The following IHO1 variants were observed in gnomAD, a reference collection of about 807,000 sequenced individuals.
IHO1 encodes the protein interactor of HORMAD1 protein 1.
A neutral mutation model predicts 31.0 loss-of-function variants in IHO1; 13 were observed. The ratio of observed to expected loss-of-function variants is 0.42; its 90% CI spans 0.27 to 0.67. IHO1 has a LOEUF of 0.67. Among genes scored for constraint, IHO1 ranks in the 30% least tolerant of loss-of-function variants. The probability of loss-of-function intolerance (pLI) is 0.24; values close to 1 mark genes in which losing one functional copy is unlikely to be tolerated. For missense variants in IHO1, 599 were observed against 687.5 expected, an observed-to-expected ratio of 0.87 and a Z score of 1.44; for synonymous variants, 221 against 248.4, an observed-to-expected ratio of 0.89 and a Z score of 1.04.
Position 49,255,416 on chromosome 3 carries a change from G to T in IHO1, c.559G>T (p.Asp187Tyr). 1 of 1,602,746 alleles carries T rather than the reference G, an allele frequency of 6.2e-7. No individual in the cohort carries two copies. The highest frequency in any genetic ancestry group is 8.5e-7 in the Non-Finnish European group (1 of 1,177,144). The change falls in exon 7 of 8, where the codon GAC becomes TAC. Residue 187 changes from aspartate (D) to tyrosine (Y), a missense_variant. By Grantham distance (160) the Asp-to-Tyr change is radical. Transcript: ENST00000452691. ...TLQETIQAQN[D>Y]LVFEAVQDKG... ...ACAAGAGACTATACAGGCCCAGAAT[G>T]ACCTGGTGTTTGAGGCAGTCCAGGA...
In IHO1 at chr3:49,256,198, A is replaced by G; in HGVS notation, c.701A>G (p.Gln234Arg). ...LKHLEVLVAQ[Q>R]SQEFQQLCEQ... ...CACCTTGAAGTTTTAGTTGCTCAGC[A>G]GAGTCAGGAATTCCAGCAGCTGTGT... Residue 234 changes from glutamine (Q) to arginine (R), a missense_variant, in exon 8 of 8, where the codon CAG becomes CGG. Coordinates refer to ENST00000452691, the MANE Select transcript of IHO1 (RefSeq NM_001135197.2). This position sits in a 1 kb window ranked among gnomAD's most constrained non-coding sequence, Gnocchi z 4.6. The G allele has an allele frequency of 6.2e-7, 1 of 1,614,166 alleles. No individual in the cohort carries two copies. The highest frequency in any genetic ancestry group is 8.5e-7 in the Non-Finnish European group (1 of 1,180,006).
At chr3:49,205,476 G>A (rs146340194) in intron 1 of IHO1, among the ~76,000 whole-genome samples, 135 of 151,870 alleles carry the variant, frequency 8.9e-4, no homozygotes, top group Non-Finnish European at 1.2e-3. Context: ...GTACCAACAC[G>A]CCTGGTGAAT....
chr3:49,228,820 A>T (rs564159887), intron 2 of IHO1, among the ~76,000 whole-genome samples: 2 of 152,366 alleles, frequency 1.3e-5, no homozygotes, highest in African/African-American at 4.8e-5. Context: ...GAAGAGCAAA[A>T]GAACAAAGTT....
At chr3:49,200,216 A>G (rs995553440) in intron 1 of IHO1, among the ~76,000 whole-genome samples, 12 of 152,052 alleles carry the variant, frequency 7.9e-5, no homozygotes, top group African/African-American at 2.4e-4. Context: ...GGCTCACGCC[A>G]CACTTTGGGA....
intron 2 of IHO1, among the ~76,000 whole-genome samples, chr3:49,220,073 AG>A (rs1056068200): frequency 6.6e-6 from 1 of 152,222 alleles, no homozygotes; most frequent in Non-Finnish European, 1.5e-5. Flanking sequence ...CAGCACCTTG[AG>A]CAACTGCTCT....
chr3:49,238,983 C>T (rs2046592968), intron 3 of IHO1, among the ~76,000 whole-genome samples: 1 of 152,146 alleles, frequency 6.6e-6, no homozygotes, highest in African/African-American at 2.4e-5. Flanking sequence ...TGGAGTGAGT[C>T]AGCCCAGCAA....
chr3:49,200,566 T>A lies in IHO1; in HGVS notation c.-16+993T>A. ...AGTTGACGACGGTGGTCAGATGAGGTAGTCCATGCCAATCGGGGCGGTCCT... is the reference window on the plus strand; with the variant it reads ...AGTTGACGACGGTGGTCAGATGAGGAAGTCCATGCCAATCGGGGCGGTCCT... On this transcript the variant is annotated intron_variant, in intron 1 of 7. Transcript: ENST00000452691. 2 of 977,418 alleles carry A rather than the reference T, an allele frequency of 2.0e-6. 1 individual carries two copies. Among genetic ancestry groups the A allele is most frequent in the Admixed American group, 1.3e-4 (2 of 15,958 alleles). The allele number at this position is 977,418 out of a possible 1,614,324, so 60.5% of individuals were successfully genotyped here.
At chr3:49,191,384 A>G in the IHO1 span, among the ~76,000 whole-genome samples, 2 of 152,182 alleles carry the variant, frequency 1.3e-5, no homozygotes, top group African/African-American at 4.8e-5. Flanking sequence ...TGAGCATGGG[A>G]AATACAGATG....
chr3:49,238,091 G>A (rs1240796833), intron 3 of IHO1, among the ~76,000 whole-genome samples: 2 of 151,566 alleles, frequency 1.3e-5, no homozygotes, highest in Non-Finnish European at 2.9e-5. Context: ...TTTTAGTAGA[G>A]ACAGTGTTTC....
At chr3:49,218,660 G>C (rs935698892) in intron 2 of IHO1, among the ~76,000 whole-genome samples, 2 of 152,138 alleles carry the variant, frequency 1.3e-5, no homozygotes, top group Non-Finnish European at 2.9e-5. Context: ...GATTATAGAC[G>C]TGAGCCACTG....
intron 2 of IHO1, among the ~76,000 whole-genome samples, chr3:49,228,945 ATGACTGGTCCATTTTACAGAGTGC>A (rs1375090783): frequency 6.6e-6 from 1 of 152,118 alleles, no homozygotes; most frequent in Non-Finnish European, 1.5e-5. Context: ...TTACAGAGAG[ATGACTGGTCCATTTTACAGAGTGC>A]TGATTGGGCC....
chr3:49,200,437 C>A (rs1336278828), intron 1 of IHO1: 3 of 325,602 alleles, frequency 9.2e-6, no homozygotes, highest in African/African-American at 7.8e-5. Flanking sequence ...TGCACTCCAG[C>A]CTGGGCGACA....
At chr3:49,219,785 A>G (rs1461502694) in intron 2 of IHO1, among the ~76,000 whole-genome samples, 1 of 152,220 alleles carries the variant, frequency 6.6e-6, no homozygotes, top group Admixed American at 6.5e-5. Context: ...GGAGCTCGGA[A>G]GCATCAGGGT....
upstream of IHO1, among the ~76,000 whole-genome samples, chr3:49,194,601 C>A (rs1241726889): frequency 6.8e-6 from 1 of 146,824 alleles, no homozygotes; most frequent in Non-Finnish European, 1.5e-5. Flanking sequence ...CAAAGTATAC[C>A]ATTTATAAAA....
At position 49,257,994 on chromosome 3, in the gene IHO1, G is replaced by A. The variant is rs1035958380; in HGVS notation, c.*712G>A. 2 of 152,164 alleles carry A rather than the reference G, an allele frequency of 1.3e-5. No individual in the cohort carries two copies. Among genetic ancestry groups the A allele is most frequent in the Non-Finnish European group, 2.9e-5 (2 of 68,032 alleles). The allele number at this position is 152,164 out of a possible 1,614,324, so 9.4% of individuals were successfully genotyped here. A position where few individuals can be genotyped will look rare whatever the true frequency, so the allele number is the denominator to read the frequency against. On this transcript the variant is annotated 3_prime_UTR_variant, in exon 8 of 8. Coordinates refer to ENST00000452691, the MANE Select transcript of IHO1 (RefSeq NM_001135197.2). ...ATTGTAGACCTTGTATTTCTGAAGA[G>A]CAGTGGGCTTATATGGGACTTTGGC...
intron 1 of IHO1, among the ~76,000 whole-genome samples, chr3:49,206,025 G>A (rs1306782015): frequency 3.3e-5 from 5 of 151,846 alleles, no homozygotes; most frequent in South Asian, 4.2e-4. Context: ...GTGCAGTGGC[G>A]CGATCTCGGC....
At chr3:49,253,007 C>T (rs1475698930) in intron 6 of IHO1, among the ~76,000 whole-genome samples, 1 of 151,262 alleles carries the variant, frequency 6.6e-6, no homozygotes, top group Non-Finnish European at 1.5e-5. Context: ...CACTACTGCA[C>T]TCCAGCCTGG....
intron 2 of IHO1, among the ~76,000 whole-genome samples, chr3:49,223,350 A>G (rs528918173): frequency 4.6e-5 from 7 of 152,128 alleles, no homozygotes; most frequent in Non-Finnish European, 8.8e-5. Context: ...TGAAGGTGAT[A>G]TTGTATCCCT....
At chr3:49,202,161 G>T (rs1399477867) in intron 1 of IHO1, among the ~76,000 whole-genome samples, 1 of 151,952 alleles carries the variant, frequency 6.6e-6, no homozygotes, top group Non-Finnish European at 1.5e-5. Flanking sequence ...TGTAGAGACA[G>T]AAAAGACAAG....
Sources: gnomAD v4.1 joint callset for allele counts (sites outside exome capture counted in the v4.1 genomes callset) on GRCh38, gnomAD v4.1.1 for gene constraint, Gnocchi (gnomAD v3.1) non-coding constraint, MANE v1.5 for transcripts, NCBI Gene and HGNC (gene_info 2026-07-23, HGNC 2026-07-21) for gene names.